Variants in ALOX15 observed in about 807,000 individuals in gnomAD.
ALOX15 encodes the protein arachidonate 15-lipoxygenase.
A neutral mutation model predicts 71.7 loss-of-function variants in ALOX15; 68 were observed. That is an observed-to-expected ratio of 0.95 (90% confidence interval 0.78 to 1.16). The LOEUF is 1.16. ALOX15 is among the 50% of genes most tolerant of loss of function. The pLI is 0.00. For synonymous variants in ALOX15, 346 were observed against 333.3 expected, an observed-to-expected ratio of 1.04 and a Z score of -0.42; for missense variants, 798 against 818.8, an observed-to-expected ratio of 0.97 and a Z score of 0.31.
chr17:4,639,926 G>C, intron 1 of ALOX15: 1 of 310,498 alleles, frequency 3.2e-6, no homozygotes, highest in Non-Finnish European at 5.7e-6. Flanking sequence ...CGCCCTGGAC[G>C]AGCGCGCTGT....
At chr17:4,636,138 C>T (rs544623358) in intron 7 of ALOX15, among the ~76,000 whole-genome samples, 170 bp from the exon 8 acceptor site, 2 of 152,164 alleles carry the variant, frequency 1.3e-5, no homozygotes, top group Admixed American at 1.3e-4. Flanking sequence ...CCTTCCTGCC[C>T]GCTCAGTGCA....
In ALOX15 at chr17:4,632,934, C is replaced by A. The variant is rs555292366; in HGVS notation, c.1467G>T (p.Val489=). The stretch of plus-strand genomic sequence containing the variant: ...AGGTCTGCAGCTCTGGGTCGTCTTT[C>A]ACAGCCACGTCTGTCTTATAGTGGA... ...VSLHYKTDVA[V]KDDPELQTWC... Residue 489 remains valine (V), a synonymous_variant, in exon 11 of 14, where the codon GTG becomes GTT. Transcript: ENST00000293761. The A allele has an allele frequency of 2.5e-6, 4 of 1,614,136 alleles. No individual in the cohort carries two copies. Among genetic ancestry groups the A allele is most frequent in the Middle Eastern group, 3.3e-4 (2 of 6,062 alleles).
rs142054195 is a variant in ALOX15, at chr17:4,639,591, G to A, written c.176C>T (p.Pro59Leu). The change falls in exon 2 of 14, where the codon CCG becomes CTG. Residue 59 changes from proline (P) to leucine (L), a missense_variant. Around this residue, in one of 3 missense-constraint regions of ALOX15, gnomAD observed 300 missense variants for 283.1 expected, o/e 1.06. Coordinates refer to ENST00000293761, the MANE Select transcript of ALOX15 (RefSeq NM_001140.5). ...TTTGCGCAGTTTCACAAACAGCAGC[G>A]GCCCCAGATACTCCGGTACTTCCAC... ...LKVEVPEYLG[P>L]LLFVKLRKRH... The A allele has an allele frequency of 6.8e-6, 11 of 1,613,854 alleles. No homozygotes were observed. Among genetic ancestry groups the A allele is most frequent in the Admixed American group, 3.3e-5 (2 of 59,988 alleles).
Position 4,631,646 on chromosome 17 carries a change from T to C in ALOX15, c.1943A>G (p.Tyr648Cys), listed in dbSNP as rs763623532. Residue 648 changes from tyrosine to cysteine, a missense_variant, in exon 14 of 14, where the codon TAC becomes TGC. This residue lies in a region of ALOX15 where 490 missense variants were observed against 509.4 expected (regional missense o/e 0.96). Coordinates refer to ENST00000293761, the MANE Select transcript of ALOX15 (RefSeq NM_001140.5). Reference sequence around the variant, plus strand: ...CACCACGCTGGGCCGCAGGTACTCGTAGGGCATGTCCAGCTTTGCATTCCG... The same window carrying C: ...CACCACGCTGGGCCGCAGGTACTCGCAGGGCATGTCCAGCTTTGCATTCCG... Reference protein sequence around the residue: ...EIRNAKLDMPYEYLRPSVVEN... With the variant: ...EIRNAKLDMPCEYLRPSVVEN... 3.1e-6 allele frequency: 5 copies of C among 1,613,866 alleles called. No individual in the cohort carries two copies. Among genetic ancestry groups the C allele is most frequent in the Non-Finnish European group, 1.7e-6 (2 of 1,180,040 alleles).
In ALOX15 at chr17:4,633,297, C is replaced by T; in HGVS notation, c.1267G>A (p.Gly423Arg). Residue 423 changes from glycine (G) to arginine (R), a missense_variant, in exon 10 of 14, where the codon GGA becomes AGA. Transcript: ENST00000293761. ...TGCTTGAGCAGCTGCACGTGGCCTC[C>T]CCCACCAGTGCTCATTATCTGAGAA... The part of the protein sequence containing the change: ...IFDQIMSTGG[G>R]GHVQLLKQAG... 2 of 1,613,966 alleles carry T rather than the reference C, an allele frequency of 1.2e-6. No individual in the cohort carries two copies. The highest frequency in any genetic ancestry group is 1.7e-6 in the Non-Finnish European group (2 of 1,179,912).
chr17:4,641,443 G>A (rs1033890506), intron 1 of ALOX15, 74 bp downstream of exon 1: 4 of 1,548,604 alleles, frequency 2.6e-6, no homozygotes, highest in Non-Finnish European at 2.6e-6. Context: ...CAACGGGGGC[G>A]CATGTCCTCC....
intron 8 of ALOX15, among the ~76,000 whole-genome samples, chr17:4,635,382 C>A (rs1039659816): frequency 6.7e-6 from 1 of 150,118 alleles, no homozygotes; most frequent in East Asian, 1.9e-4. Flanking sequence ...TGCAGTGAGC[C>A]GAGATCGCAT....
rs763841239 is a variant in ALOX15, at chr17:4,633,237, GA to G, written c.1326del (p.Pro444LeufsTer12). On this transcript the variant is annotated frameshift_variant, in exon 10 of 14. Transcript: ENST00000293761. LOFTEE classifies it high-confidence loss of function. ...AGAFLTYSSF[C>X]PPDDLADRGL... ...CCCCGGTCGGCCAAGTCATCAGGGG[GA>G]CAGAAGGAGCTGTAGGTTAGGAAGG... 9 of 1,614,212 alleles carry G rather than the reference GA, an allele frequency of 5.6e-6. No individual in the cohort carries two copies. The South Asian group carries it at 9.9e-5, about 18-fold the overall frequency.
In ALOX15 at chr17:4,641,529, G is replaced by A. The variant is rs200026737; in HGVS notation, c.123C>T (p.Pro41=). The A allele has an allele frequency of 5.6e-6, 9 of 1,612,980 alleles. No individual in the cohort carries two copies. The highest frequency in any genetic ancestry group is 5.0e-5 in the Admixed American group (3 of 60,006). The change falls in exon 1 of 14, where the codon CCC becomes CCT. Residue 41 remains proline (P), a synonymous_variant. Coordinates refer to ENST00000293761, the MANE Select transcript of ALOX15 (RefSeq NM_001140.5). Reference sequence around the variant, plus strand: ...CTGGGGAGCTCACCTTGCCCCGTGCGGGCCACAGTCGCTTCCCGAGCGCCG... The same window carrying A: ...CTGGGGAGCTCACCTTGCCCCGTGCAGGCCACAGTCGCTTCCCGAGCGCCG... ...GEAALGKRLW[P]ARGKETELKV...
At position 4,633,269 on chromosome 17, in the gene ALOX15, G is replaced by A; in HGVS notation, c.1295C>T (p.Ala432Val). ...GGGHVQLLKQ[A>V]GAFLTYSSFC... ...GGAGCTGTAGGTTAGGAAGGCTCCAGCTTGCTTGAGCAGCTGCACGTGGCC... is the reference window on the plus strand; with the variant it reads ...GGAGCTGTAGGTTAGGAAGGCTCCAACTTGCTTGAGCAGCTGCACGTGGCC... Residue 432 changes from alanine to valine, a missense_variant, in exon 10 of 14, where the codon GCT becomes GTT. Around this residue, in one of 3 missense-constraint regions of ALOX15, gnomAD observed 490 missense variants for 509.4 expected, o/e 0.96. Transcript: ENST00000293761. 6.2e-7 allele frequency: 1 copy of A among 1,614,202 alleles called. No individual in the cohort carries two copies. The highest frequency in any genetic ancestry group is 8.5e-7 in the Non-Finnish European group (1 of 1,180,028).
At chr17:4,637,692 T>A (rs1264187554) in intron 6 of ALOX15, among the ~76,000 whole-genome samples, 1 of 152,180 alleles carries the variant, frequency 6.6e-6, no homozygotes, top group African/African-American at 2.4e-5. Context: ...ATTACAGGTG[T>A]GAGTCACTGT....
In ALOX15 at chr17:4,632,244, G is replaced by A. The variant is rs56310657; in HGVS notation, c.1578C>T (p.Cys526=). 6.8e-5 allele frequency: 109 copies of A among 1,614,106 alleles called. No individual in the cohort carries two copies. The highest frequency in any genetic ancestry group is 8.9e-5 in the Non-Finnish European group (105 of 1,180,046). ...PVSLQARDQV[C]HFVTMCIFTC... is the part of the protein sequence containing the mutation. Reference sequence around the variant, plus strand: ...TGAAGATACACATGGTGACAAAGTGGCAAACCTGGTCCCGAGCCTGTAAAG... The same window carrying A: ...TGAAGATACACATGGTGACAAAGTGACAAACCTGGTCCCGAGCCTGTAAAG... The change falls in exon 12 of 14, where the codon TGC becomes TGT. Residue 526 remains cysteine, a synonymous_variant. Coordinates refer to ENST00000293761, the MANE Select transcript of ALOX15 (RefSeq NM_001140.5).
rs891532612 is a variant in ALOX15 at position 4,641,400 on chromosome 17, G to A, written c.135+117C>T. ...CCTCCGCGCGCTTTGAGCCCAATGC[G>A]CGGGCCCTTGGCAAAGAGAATCGGC... On this transcript the variant is annotated intron_variant, in intron 1 of 13. Transcript: ENST00000293761. The A allele has an allele frequency of 1.0e-4, 147 of 1,454,532 alleles. 1 individual carries two copies. Among genetic ancestry groups the A allele is most frequent in the Admixed American group, 3.9e-4 (17 of 44,018 alleles). 90.1% of individuals were successfully genotyped at this position (1,454,532 alleles called of 1,614,324 possible).
intron 11 of ALOX15, among the ~76,000 whole-genome samples, chr17:4,632,531 GC>G (rs1910949429): frequency 1.3e-5 from 2 of 152,164 alleles, no homozygotes; most frequent in African/African-American, 4.8e-5. Flanking sequence ...TAGGTGTTTA[GC>G]AAGCTGGTCA....
chr17:4,637,398 T>G, intron 6 of ALOX15, 140 bp from the exon 7 acceptor site: 1 of 1,008,222 alleles, frequency 9.9e-7, no homozygotes, highest in Non-Finnish European at 1.4e-6. Context: ...TGTGCTTACT[T>G]CCTCATATCA....
intron 2 of ALOX15, 97 bp from the exon 3 acceptor site, chr17:4,639,229 C>T (rs1429547626): frequency 5.1e-5 from 76 of 1,499,238 alleles, no homozygotes; most frequent in Non-Finnish European, 6.8e-5. Flanking sequence ...TCTGTGTGGC[C>T]TCTGCCCCTT....
Position 4,635,701 on chromosome 17 carries a change from G to A in ALOX15, c.1161+58C>T, listed in dbSNP as rs186889890. Reference sequence around the variant, plus strand: ...CACAGAGAGGGAGCCTCCAGAGGTCGGAACGTGCCCTGGGGCAGAGATAGT... The same window carrying A: ...CACAGAGAGGGAGCCTCCAGAGGTCAGAACGTGCCCTGGGGCAGAGATAGT... On this transcript the variant is annotated intron_variant, in intron 8 of 13. Coordinates refer to ENST00000293761, the MANE Select transcript of ALOX15 (RefSeq NM_001140.5). 3.0e-4 allele frequency: 475 copies of A among 1,570,578 alleles called. 2 individuals are homozygous for A. The East Asian group carries it at 5.7e-3, about 19-fold the overall frequency.
intron 8 of ALOX15, among the ~76,000 whole-genome samples, 157 bp downstream of exon 8, chr17:4,635,602 G>T (rs546378096): frequency 3.3e-5 from 5 of 152,310 alleles, no homozygotes; most frequent in African/African-American, 1.2e-4. Flanking sequence ...CTTTGAAAAT[G>T]CATGGCCAGC....
rs774247693 is a variant in ALOX15 at position 4,637,306 on chromosome 17, CT to C, written c.808-49del. 1.5e-5 allele frequency: 23 copies of C among 1,562,672 alleles called. No individual in the cohort carries two copies. In the African/African-American group the frequency reaches 3.0e-4, roughly 20 times the overall value. ...GGCTGCTATCAACATAAAGCATCTT[CT>C]TCCTACTCGGATTCCTCCAAGGGGG... On this transcript the variant is annotated intron_variant, in intron 6 of 13. Coordinates refer to ENST00000293761, the MANE Select transcript of ALOX15 (RefSeq NM_001140.5).
Sources: gnomAD v4.1 joint callset for allele counts (sites outside exome capture counted in the v4.1 genomes callset) on GRCh38, gnomAD v4.1.1 for gene constraint, gnomAD v4.1.1 regional missense constraint, MANE v1.5 for transcripts, NCBI Gene and HGNC (gene_info 2026-07-23, HGNC 2026-07-21) for gene names.